Variants in MSRB3 observed in about 807,000 individuals in gnomAD.
MSRB3 encodes methionine sulfoxide reductase B3.
Under a neutral mutation model 21.0 loss-of-function variants are expected in MSRB3, and 13 were observed. The ratio of observed to expected loss-of-function variants is 0.62; its 90% CI spans 0.40 to 0.98. The LOEUF (loss-of-function observed/expected upper bound fraction) is 0.98, where lower values mean the gene tolerates loss of function less well. Ranked by LOEUF, MSRB3 falls within the 50% of genes least tolerant of loss-of-function variation. MSRB3 has a pLI of 0.00. For missense variants in MSRB3, 199 were observed against 230.3 expected, an observed-to-expected ratio of 0.86 and a Z score of 0.88; for synonymous variants, 87 against 88.6, an observed-to-expected ratio of 0.98 and a Z score of 0.10.
chr12:65,278,919 C>T, intron 1 of MSRB3, 54 bp downstream of exon 1: 1 of 1,539,270 alleles, frequency 6.5e-7, no homozygotes, highest in African/African-American at 1.4e-5. Context: ...CCCACCCCGA[C>T]CCTGCCACGT....
At chr12:65,282,599 G>A (rs535671379) in intron 1 of MSRB3, among the ~76,000 whole-genome samples, 2 of 152,066 alleles carry the variant, frequency 1.3e-5, no homozygotes, top group Non-Finnish European at 2.9e-5. Context: ...ACCTCATTTA[G>A]GGCCTGAGAT....
chr12:65,353,599 T>G (rs1281293104), intron 4 of MSRB3, among the ~76,000 whole-genome samples: 7 of 152,114 alleles, frequency 4.6e-5, no homozygotes, highest in Admixed American at 3.3e-4. Context: ...TCCATCCCTT[T>G]ATTTTGAGCC....
chr12:65,298,988 A>G (rs2136407616), intron 1 of MSRB3, among the ~76,000 whole-genome samples: 1 of 152,144 alleles, frequency 6.6e-6, no homozygotes, highest in Admixed American at 6.5e-5. Context: ...ATCTTTTTTT[A>G]TGTATAAGCT....
intron 5 of MSRB3, chr12:65,419,834 GC>G: frequency 4.0e-6 from 3 of 745,556 alleles, no homozygotes; most frequent in Non-Finnish European, 2.3e-6. Flanking sequence ...CTCCGGCCAG[GC>G]CCCTGGACCC....
At chr12:65,291,017 T>G (rs1424682801) in intron 1 of MSRB3, among the ~76,000 whole-genome samples, 1 of 152,164 alleles carries the variant, frequency 6.6e-6, no homozygotes, top group Non-Finnish European at 1.5e-5. Context: ...AACACAACTT[T>G]CTTTTACAGC....
At chr12:65,416,299 G>T (rs991664627) in intron 5 of MSRB3, among the ~76,000 whole-genome samples, 1 of 152,182 alleles carries the variant, frequency 6.6e-6, no homozygotes, top group Admixed American at 6.5e-5. Context: ...AACACAGGAA[G>T]ACTTACCCTG....
chr12:65,346,534 T>C (rs2136483591), intron 4 of MSRB3, among the ~76,000 whole-genome samples: 1 of 152,286 alleles, frequency 6.6e-6, no homozygotes, highest in East Asian at 1.9e-4. Context: ...ATTCTGTAGG[T>C]TGACTGTTCA....
chr12:65,363,277 G>A (rs1016781230), intron 4 of MSRB3, among the ~76,000 whole-genome samples: 25 of 152,262 alleles, frequency 1.6e-4, no homozygotes, highest in African/African-American at 6.0e-4. Flanking sequence ...CTGAGATTTT[G>A]TGGGTTTCCC....
intron 4 of MSRB3, among the ~76,000 whole-genome samples, chr12:65,336,652 A>G (rs990762721): frequency 1.3e-5 from 2 of 152,264 alleles, no homozygotes; most frequent in African/African-American, 4.8e-5. Flanking sequence ...TCTTGTTTGA[A>G]TAAACATGAA....
chr12:65,279,076 G>T (rs1035945334), intron 1 of MSRB3: 2 of 1,406,612 alleles, frequency 1.4e-6, no homozygotes, highest in African/African-American at 3.0e-5. Flanking sequence ...AAGGAGGTCA[G>T]GGCTGGTTTC....
At chr12:65,311,488 A>G (rs1873983082) in intron 2 of MSRB3, among the ~76,000 whole-genome samples, 1 of 152,078 alleles carries the variant, frequency 6.6e-6, no homozygotes, top group African/African-American at 2.4e-5. Flanking sequence ...TTTTGCTCTT[A>G]GATATATAGA....
At chr12:65,352,312 T>C (rs373476346) in intron 4 of MSRB3, among the ~76,000 whole-genome samples, 1 of 151,396 alleles carries the variant, frequency 6.6e-6, no homozygotes, top group Non-Finnish European at 1.5e-5. Flanking sequence ...TGGGACGTAT[T>C]TCAAAATAAT....
At chr12:65,420,100 G>A (rs1032225506) in intron 5 of MSRB3, 4 of 432,174 alleles carry the variant, frequency 9.3e-6, no homozygotes, top group African/African-American at 8.4e-5. Context: ...TGTGAGATGA[G>A]GCTCTAATTT....
chr12:65,428,807 A>C (rs1881736154), intron 5 of MSRB3, among the ~76,000 whole-genome samples: 2 of 152,138 alleles, frequency 1.3e-5, no homozygotes, highest in African/African-American at 4.8e-5. Context: ...GAAAACGCTA[A>C]ACTAATTCCC....
intron 4 of MSRB3, among the ~76,000 whole-genome samples, chr12:65,342,907 G>A (rs1876236789): frequency 6.6e-6 from 1 of 152,030 alleles, no homozygotes; most frequent in South Asian, 2.1e-4. Context: ...ATAGGAAATA[G>A]TTTAAAAGGT....
At position 65,465,872 on chromosome 12, in the gene MSRB3, G is replaced by A. The variant is rs1481337038; in HGVS notation, c.*2550G>A. The A allele has an allele frequency of 1.3e-5, 2 of 152,198 alleles. No individual in the cohort carries two copies. The highest frequency in any genetic ancestry group is 4.8e-5 in the African/African-American group (2 of 41,394). The allele number at this position is 152,198 out of a possible 1,614,324, so 9.4% of individuals were successfully genotyped here. ...CCAGTGACCCCAGGATTCCACGTTG[G>A]GGTGGCCAAAGAAATAGGTCTCTCA... On this transcript the variant is annotated 3_prime_UTR_variant, in exon 7 of 7. Coordinates refer to ENST00000308259, the MANE Select transcript of MSRB3 (RefSeq NM_001031679.3).
chr12:65,448,399 A>T (rs933883540), intron 5 of MSRB3, among the ~76,000 whole-genome samples: 7 of 152,196 alleles, frequency 4.6e-5, no homozygotes, highest in African/African-American at 1.7e-4. Context: ...ACATTACCCA[A>T]TTAGGTTTTA....
intron 5 of MSRB3, among the ~76,000 whole-genome samples, chr12:65,420,465 A>G (rs1410055926): frequency 6.6e-6 from 1 of 150,732 alleles, no homozygotes; most frequent in Non-Finnish European, 1.5e-5. Context: ...TTATTTTTTT[A>G]AATTTTTAAT....
intron 5 of MSRB3, among the ~76,000 whole-genome samples, chr12:65,387,882 GTA>G (rs1879274377): frequency 6.6e-6 from 1 of 151,958 alleles, no homozygotes; most frequent in Non-Finnish European, 1.5e-5. Context: ...TGTAATTAGT[GTA>G]TGTCAGTCTT....
Sources: allele counts gnomAD v4.1 joint callset (sites outside exome capture counted in the v4.1 genomes callset), GRCh38; gene constraint gnomAD v4.1.1; transcripts MANE v1.5; gene names NCBI Gene and HGNC (gene_info 2026-07-23, HGNC 2026-07-21).